The following LSAMP variants were observed in gnomAD, a reference collection of about 807,000 sequenced individuals.
The protein encoded by LSAMP is limbic system-associated membrane protein.
In LSAMP, 7 loss-of-function variants were observed where a neutral mutation model predicts 38.6. That is an observed-to-expected ratio of 0.18 (90% CI 0.10 to 0.34). The LOEUF is 0.34. Among genes scored for constraint, LSAMP ranks in the 10% least tolerant of loss-of-function variants. LSAMP has a pLI of 1.00. For synonymous variants in LSAMP, 154 were observed against 166.8 expected, an observed-to-expected ratio of 0.92 and a Z score of 0.59; for missense variants, 313 against 420.0, an observed-to-expected ratio of 0.75 and a Z score of 2.23.
In LSAMP at chr3:116,425,571, G is replaced by A. The variant is rs75084494; in HGVS notation, c.155+19306C>T. Among the ~76,000 whole-genome samples the A allele has an allele frequency of 7.6e-3, 1,162 of 152,210 alleles. 12 individuals carry two copies. The highest frequency in any genetic ancestry group is 0.017 in the East Asian group (89 of 5,180). On this transcript the variant is annotated intron_variant, in intron 1 of 6. Coordinates refer to ENST00000490035, the MANE Select transcript of LSAMP (RefSeq NM_002338.5). The stretch of plus-strand genomic sequence containing the variant: ...CAGAGAATGTGATATACTTGGGTGA[G>A]TATGTCAATAAAAATATTGATTGAA...
At chr3:116,138,744 T>C (rs1709307559) in intron 1 of LSAMP, among the ~76,000 whole-genome samples, 1 of 152,064 alleles carries the variant, frequency 6.6e-6, no homozygotes. Flanking sequence ...TTCTGTTTAA[T>C]TTAATTTCAT....
At chr3:116,417,897 G>A (rs992406779) in intron 1 of LSAMP, among the ~76,000 whole-genome samples, 3 of 152,126 alleles carry the variant, frequency 2.0e-5, no homozygotes, top group African/African-American at 4.8e-5. Context: ...CCTGCTGCAG[G>A]AGTCACAGAA....
chr3:115,996,796 C>T (rs995876513), intron 3 of LSAMP, among the ~76,000 whole-genome samples: 5 of 152,130 alleles, frequency 3.3e-5, no homozygotes, highest in Non-Finnish European at 7.4e-5. Context: ...AGGCTCCCTT[C>T]AAGTTATCAA....
intron 6 of LSAMP, among the ~76,000 whole-genome samples, chr3:115,827,186 C>T (rs575410082): frequency 3.2e-4 from 48 of 152,240 alleles, no homozygotes; most frequent in African/African-American, 1.2e-3. Context: ...TCATACAAAA[C>T]CCACACGTAT....
intron 1 of LSAMP, among the ~76,000 whole-genome samples, chr3:116,173,127 T>A (rs2107556313): frequency 6.6e-6 from 1 of 152,108 alleles, no homozygotes; most frequent in Admixed American, 6.6e-5. Flanking sequence ...TCCTTTATGG[T>A]TATGGGTAAC....
chr3:115,840,798 AT>A (rs1365239323), intron 6 of LSAMP, among the ~76,000 whole-genome samples: 1 of 152,030 alleles, frequency 6.6e-6, no homozygotes, highest in African/African-American at 2.4e-5. Flanking sequence ...TCTTCTGGTC[AT>A]AGTATTTCCA....
intron 1 of LSAMP, among the ~76,000 whole-genome samples, chr3:116,367,142 G>A (rs770204441): frequency 7.9e-5 from 12 of 152,126 alleles, no homozygotes; most frequent in Non-Finnish European, 1.8e-4. Flanking sequence ...TTCATTAGAA[G>A]GGTCATAGGA....
intron 1 of LSAMP, among the ~76,000 whole-genome samples, chr3:116,179,978 C>T (rs1005339737): frequency 6.6e-6 from 1 of 152,102 alleles, no homozygotes; most frequent in Non-Finnish European, 1.5e-5. Flanking sequence ...AGTATTTGTT[C>T]TAAGTACTTA....
intron 2 of LSAMP, among the ~76,000 whole-genome samples, chr3:116,082,514 A>G (rs1176131576): frequency 6.6e-6 from 1 of 152,178 alleles, no homozygotes; most frequent in South Asian, 2.1e-4. Flanking sequence ...CAAAATGTTG[A>G]CTTTGCTTCA....
intron 3 of LSAMP, among the ~76,000 whole-genome samples, chr3:115,901,612 T>C (rs73149024): frequency 0.061 from 9,298 of 152,236 alleles, 400 homozygotes; most frequent in Middle Eastern, 0.1. Flanking sequence ...ATCCACTCAG[T>C]AATCGAAGTC....
intron 3 of LSAMP, among the ~76,000 whole-genome samples, chr3:115,951,541 G>A (rs929041335): frequency 2.6e-5 from 4 of 152,156 alleles, no homozygotes; most frequent in Non-Finnish European, 5.9e-5. Context: ...TGCTGCCAAA[G>A]GAAATTAACA....
At chr3:115,931,147 T>G (rs1389074305) in intron 3 of LSAMP, among the ~76,000 whole-genome samples, 2 of 152,102 alleles carry the variant, frequency 1.3e-5, no homozygotes, top group African/African-American at 4.8e-5. Context: ...CACCCGGGAT[T>G]TCCCACCAGA....
At chr3:115,828,301 C>T (rs953614934) in intron 6 of LSAMP, among the ~76,000 whole-genome samples, 2 of 152,068 alleles carry the variant, frequency 1.3e-5, no homozygotes, top group Non-Finnish European at 2.9e-5. Flanking sequence ...GGTACTATCT[C>T]GATGATTTAA....
chr3:116,023,525 A>G (rs538785188), intron 2 of LSAMP, among the ~76,000 whole-genome samples: 1 of 150,872 alleles, frequency 6.6e-6, no homozygotes, highest in East Asian at 2.0e-4. Flanking sequence ...GAATGGCTTG[A>G]ACCCAGGAGG....
intron 1 of LSAMP, among the ~76,000 whole-genome samples, chr3:116,342,706 G>T (rs1257569752): frequency 2.0e-5 from 3 of 152,004 alleles, no homozygotes; most frequent in African/African-American, 7.2e-5. Context: ...GATATTTGGG[G>T]TTTTCCATTA....
At chr3:115,869,309 T>TGA (rs372091952) in intron 3 of LSAMP, among the ~76,000 whole-genome samples, 6 of 113,406 alleles carry the variant, frequency 5.3e-5, no homozygotes, top group African/African-American at 1.1e-4. Flanking sequence ...AGAGACTGAC[T>TGA]GAGAGAGAGA....
chr3:116,088,138 C>G (rs537206227), intron 1 of LSAMP, among the ~76,000 whole-genome samples: 1 of 152,026 alleles, frequency 6.6e-6, no homozygotes, highest in Non-Finnish European at 1.5e-5. Flanking sequence ...CTTGGCCTCC[C>G]TAAGCACTGG....
At chr3:115,860,356 G>T (rs766354635) in intron 3 of LSAMP, among the ~76,000 whole-genome samples, 1 of 152,172 alleles carries the variant, frequency 6.6e-6, no homozygotes, top group Non-Finnish European at 1.5e-5. Flanking sequence ...CTCATGTTCC[G>T]AACTAAGCAT....
chr3:115,899,544 C>T (rs911135162), intron 3 of LSAMP, among the ~76,000 whole-genome samples: 1 of 152,050 alleles, frequency 6.6e-6, no homozygotes, highest in African/African-American at 2.4e-5. Context: ...ATTTTTAAAC[C>T]ATGTCCTTGG....
Sources: allele counts gnomAD v4.1 joint callset (sites outside exome capture counted in the v4.1 genomes callset), GRCh38; gene constraint gnomAD v4.1.1; transcripts MANE v1.5; gene names NCBI Gene and HGNC (gene_info 2026-07-23, HGNC 2026-07-21).